Variants in CSNK1G2 observed in about 807,000 individuals in gnomAD.
The protein encoded by CSNK1G2 is casein kinase 1 gamma 2, also known as casein kinase I isoform gamma-2.
In CSNK1G2, 11 loss-of-function variants were observed where a neutral mutation model predicts 48.0. The observed-to-expected ratio is 0.23, with a 90% CI of 0.14 to 0.38. The LOEUF (loss-of-function observed/expected upper bound fraction) is 0.38, where lower values mean the gene tolerates loss of function less well. CSNK1G2 is among the 10% of genes least tolerant of loss of function. The probability of loss-of-function intolerance (pLI) is 1.00; values close to 1 mark genes in which losing one functional copy is unlikely to be tolerated. For synonymous variants in CSNK1G2, 337 were observed against 254.1 expected (o/e 1.33, Z -3.10); for missense variants, 446 against 595.5 (o/e 0.75, Z 2.61).
In CSNK1G2 at chr19:1,957,402, A is replaced by G. The variant is rs2015035377; in HGVS notation, c.-265-12106A>G. Among the ~76,000 whole-genome samples the G allele has an allele frequency of 1.3e-5, 2 of 152,202 alleles. No homozygotes were observed. The highest frequency in any genetic ancestry group is 4.1e-4 in the South Asian group (2 of 4,832). On this transcript the variant is annotated intron_variant, in intron 1 of 11. Coordinates refer to ENST00000255641, the MANE Select transcript of CSNK1G2 (RefSeq NM_001319.7). This position sits in a 1 kb window ranked among gnomAD's most constrained non-coding sequence, Gnocchi z 5.4. ...CCGGGATGCACCAGGCGCTCGTGCA[A>G]ACCAAGTGCTGAGCAGAGAGCAGCC...
At chr19:1,959,362 G>T (rs2015112462) in intron 1 of CSNK1G2, 1 of 152,656 alleles carries the variant, frequency 6.6e-6, no homozygotes, top group African/African-American at 2.4e-5. Context: ...TCACAGAGAG[G>T]GTGGGTGTGA....
At position 1,978,806 on chromosome 19, in the gene CSNK1G2, G is replaced by A. The variant is rs2015857891; in HGVS notation, c.448-53G>A. On this transcript the variant is annotated intron_variant, in intron 5 of 11. Coordinates refer to ENST00000255641, the MANE Select transcript of CSNK1G2 (RefSeq NM_001319.7). This position sits in a 1 kb window ranked among gnomAD's most constrained non-coding sequence, Gnocchi z 7.3. ...GGAGGGAAGAGGGTGGCCCTGGAGG[G>A]GAGCGCGTGGGACGGGGAGGGGCCC... The A allele has an allele frequency of 1.9e-6, 3 of 1,585,680 alleles. No individual in the cohort carries two copies. Among genetic ancestry groups the A allele is most frequent in the Non-Finnish European group, 2.6e-6 (3 of 1,168,568 alleles).
intron 1 of CSNK1G2, among the ~76,000 whole-genome samples, chr19:1,963,177 T>C (rs1402930415): frequency 1.3e-5 from 2 of 151,992 alleles, no homozygotes; most frequent in African/African-American, 2.4e-5. Context: ...TGGTTTATTA[T>C]AAATTTTTCA....
intron 2 of CSNK1G2, among the ~76,000 whole-genome samples, chr19:1,977,568 C>T (rs2015801623): frequency 1.3e-5 from 2 of 152,136 alleles, no homozygotes; most frequent in African/African-American, 4.8e-5. Flanking sequence ...GCCCGGGCAA[C>T]TTGGAGAAAC....
rs1031261818 is a variant in CSNK1G2, at chr19:1,978,215, C to CCCTCCTG, written c.188-78_188-72dup. 259 of 1,373,008 alleles carry CCCTCCTG rather than the reference C, an allele frequency of 1.9e-4. 2 individuals carry two copies. The East Asian group carries it at 4.4e-3, about 23-fold the overall frequency. 85.1% of individuals were successfully genotyped at this position (1,373,008 alleles called of 1,614,324 possible). ...TTTGGAGGGTGGTCCTTCAGGGACC[C>CCCTCCTG]CCTCCTGCCTCCTGCCTCGGGGGTG... On this transcript the variant is annotated intron_variant, in intron 2 of 11. Coordinates refer to ENST00000255641, the MANE Select transcript of CSNK1G2 (RefSeq NM_001319.7). The surrounding 1 kb of genome is among the most constrained non-coding windows in gnomAD (Gnocchi z 7.3).
At chr19:1,967,633 T>C (rs2015405732) in intron 1 of CSNK1G2, among the ~76,000 whole-genome samples, 1 of 151,846 alleles carries the variant, frequency 6.6e-6, no homozygotes. Context: ...GAGCGTCCAG[T>C]TAACACCACA....
chr19:1,950,368 A>T (rs138587606), intron 1 of CSNK1G2, among the ~76,000 whole-genome samples: 4,394 of 146,356 alleles, frequency 0.03, 642 homozygotes, highest in African/African-American at 0.08. Flanking sequence ...CTTGATCTCC[A>T]GACCTCGTGA....
rs201003967 is a variant in CSNK1G2 at position 1,946,604 on chromosome 19, T to TTTA, written c.-266+5204_-266+5206dup. On this transcript the variant is annotated intron_variant, in intron 1 of 11. Transcript: ENST00000255641. ...CCGCGCCCGGCTATTTATTTATTTATTTATTATTATTATTATTATTTTCTT... is the reference window on the plus strand; with the variant it reads ...CCGCGCCCGGCTATTTATTTATTTATTTATTATTATTATTATTATTATTTTCTT... Among the ~76,000 whole-genome samples, 26 of 139,834 alleles carry TTTA rather than the reference T, an allele frequency of 1.9e-4. No homozygotes were observed. In the South Asian group the frequency reaches 3.4e-3, roughly 18 times the overall value. 91.7% of individuals were successfully genotyped at this position (139,834 alleles called of 152,430 possible).
chr19:1,967,021 C>T (rs1413295538), intron 1 of CSNK1G2, among the ~76,000 whole-genome samples: 5 of 146,164 alleles, frequency 3.4e-5, no homozygotes, highest in Admixed American at 6.8e-5. Flanking sequence ...CAGGCTTGCA[C>T]ACCACGCCCC....
intron 2 of CSNK1G2, among the ~76,000 whole-genome samples, chr19:1,977,158 A>G (rs898444769): frequency 2.6e-5 from 4 of 152,238 alleles, no homozygotes; most frequent in Admixed American, 6.5e-5. Flanking sequence ...GTGCCCTGTC[A>G]TGCCGCGGGA....
At chr19:1,961,145 G>T (rs912309436) in intron 1 of CSNK1G2, among the ~76,000 whole-genome samples, 1 of 152,258 alleles carries the variant, frequency 6.6e-6, no homozygotes, top group Non-Finnish European at 1.5e-5. Context: ...ACGGATGGAC[G>T]GGCTGTGACA....
chr19:1,975,764 A>G lies in CSNK1G2; in HGVS notation c.188-2541A>G, dbSNP rs549521259. 4.0e-4 allele frequency: 397 copies of G among 985,180 alleles called. 1 individual carries two copies. The African/African-American group carries it at 6.5e-3, about 16-fold the overall frequency. The allele number at this position is 985,180 out of a possible 1,614,324, so 61.0% of individuals were successfully genotyped here. A position where few individuals can be genotyped will look rare whatever the true frequency, so the allele number is the denominator to read the frequency against. ...AAAACTTCGAAATCTGACCAGGCAC[A>G]GTGGCTCACGCCTGTAATCCCAACA... On this transcript the variant is annotated intron_variant, in intron 2 of 11. Coordinates refer to ENST00000255641, the MANE Select transcript of CSNK1G2 (RefSeq NM_001319.7).
chr19:1,966,915 G>A (rs1291861953), intron 1 of CSNK1G2, among the ~76,000 whole-genome samples: 2 of 152,032 alleles, frequency 1.3e-5, no homozygotes, highest in Admixed American at 6.6e-5. Context: ...GTATCCCCCA[G>A]GCTGGAGTGC....
chr19:1,944,333 C>G (rs957938623), intron 1 of CSNK1G2, among the ~76,000 whole-genome samples: 10 of 152,082 alleles, frequency 6.6e-5, no homozygotes, highest in African/African-American at 2.2e-4. Context: ...CGGGAGGCTC[C>G]GCGTCTGCTT....
intron 2 of CSNK1G2, among the ~76,000 whole-genome samples, chr19:1,970,634 G>A (rs1483322418): frequency 1.3e-5 from 2 of 152,188 alleles, no homozygotes; most frequent in African/African-American, 4.8e-5. Context: ...CTTTGGGGCC[G>A]TTCCCAGTCT....
At chr19:1,974,012 C>A (rs564655637) in intron 2 of CSNK1G2, among the ~76,000 whole-genome samples, 1 of 152,140 alleles carries the variant, frequency 6.6e-6, no homozygotes, top group South Asian at 2.1e-4. Flanking sequence ...CTCAGCCTCC[C>A]GAGTAGCTGG....
intron 1 of CSNK1G2, among the ~76,000 whole-genome samples, chr19:1,943,426 G>A (rs146424995): frequency 6.6e-6 from 1 of 152,296 alleles, no homozygotes; most frequent in African/African-American, 2.4e-5. Context: ...TTGTGGAATT[G>A]CCGATTTGGG....
In CSNK1G2 at chr19:1,951,774, G is replaced by A. The variant is rs1200020787; in HGVS notation, c.-266+10356G>A. The stretch of plus-strand genomic sequence containing the variant: ...CCGTTCACTGCACGCTCCGCCTCCC[G>A]GGTTCACACCATTCTCTTGCCTCAG... On this transcript the variant is annotated intron_variant, in intron 1 of 11. Transcript: ENST00000255641. 2.7e-5 allele frequency among the ~76,000 whole-genome samples: 4 copies of A among 146,464 alleles called. 1 individual carries two copies. The highest frequency in any genetic ancestry group is 5.2e-5 in the African/African-American group (2 of 38,418).
chr19:1,980,564 G>GGCCCC lies in CSNK1G2; in HGVS notation c.*370_*374dup, dbSNP rs1400308266. 1 of 305,550 alleles carries GGCCCC rather than the reference G, an allele frequency of 3.3e-6. No individual in the cohort carries two copies. The highest frequency in any genetic ancestry group is 6.2e-6 in the Non-Finnish European group (1 of 161,224). 18.9% of individuals were successfully genotyped at this position (305,550 alleles called of 1,614,324 possible). A position where few individuals can be genotyped will look rare whatever the true frequency, so the allele number is the denominator to read the frequency against. Reference sequence around the variant, plus strand: ...TGTGATCCTGGAGGCCCCCCGGCCTGGCCCCGCCCCGCCAGCCGCCCCCGT... The same window carrying GGCCCC: ...TGTGATCCTGGAGGCCCCCCGGCCTGGCCCCGCCCCGCCCCGCCAGCCGCCCCCGT... On this transcript the variant is annotated 3_prime_UTR_variant, in exon 12 of 12. Transcript: ENST00000255641.
Sources: gnomAD v4.1 joint callset for allele counts (sites outside exome capture counted in the v4.1 genomes callset) on GRCh38, gnomAD v4.1.1 for gene constraint, Gnocchi (gnomAD v3.1) non-coding constraint, MANE v1.5 for transcripts, NCBI Gene and HGNC (gene_info 2026-07-23, HGNC 2026-07-21) for gene names.